The following PFKFB2 variants were observed in gnomAD, a reference collection of about 807,000 sequenced individuals.
The protein encoded by PFKFB2 is 6-phosphofructo-2-kinase/fructose-2,6-biphosphatase 2.
Under a neutral mutation model 68.0 loss-of-function variants are expected in PFKFB2, and 53 were observed. The observed-to-expected ratio is 0.78, with a 90% CI of 0.63 to 0.98. PFKFB2 has a LOEUF of 0.98. PFKFB2 is among the 50% of genes least tolerant of loss of function. PFKFB2 has a pLI of 0.00. For missense variants in PFKFB2, 451 were observed against 642.0 expected, an observed-to-expected ratio of 0.70 and a Z score of 3.22; for synonymous variants, 222 against 227.6, an observed-to-expected ratio of 0.98 and a Z score of 0.22.
rs752753424 is a variant in PFKFB2, at chr1:207,061,221, C to A, written c.86-732C>A. On this transcript the variant is annotated intron_variant, in intron 2 of 14. Transcript: ENST00000367080. ...TATATATTTTAAGAGACAAGGGTCT[C>A]TCTATGTTGCCCAGGCTTATCTTGA... Among the ~76,000 whole-genome samples, 31 of 119,542 alleles carry A rather than the reference C, an allele frequency of 2.6e-4. 1 individual carries two copies. Among genetic ancestry groups the A allele is most frequent in the Non-Finnish European group, 4.7e-4 (27 of 58,006 alleles). The allele number at this position is 119,542 out of a possible 152,430, so 78.4% of individuals were successfully genotyped here.
intron 2 of PFKFB2, among the ~76,000 whole-genome samples, chr1:207,061,163 C>A (rs11585800): frequency 1.6e-3 from 68 of 42,212 alleles, no homozygotes; most frequent in African/African-American, 3.1e-3. Context: ...TTATATATAT[C>A]TTTATATATA....
chr1:207,072,770 C>G lies in PFKFB2; in HGVS notation c.*399C>G, dbSNP rs1275147748. 1 of 1,006,714 alleles carries G rather than the reference C, an allele frequency of 9.9e-7. No homozygotes were observed. Among genetic ancestry groups the G allele is most frequent in the Non-Finnish European group, 1.2e-6 (1 of 844,308 alleles). 62.4% of individuals were successfully genotyped at this position (1,006,714 alleles called of 1,614,324 possible). A position where few individuals can be genotyped will look rare whatever the true frequency, so the allele number is the denominator to read the frequency against. ...TGTTGGGGGATGGAGGGCGGGTGAG[C>G]AGTCGGGGGACAAAAAGTCTATTTT... On this transcript the variant is annotated 3_prime_UTR_variant, in exon 15 of 15. Transcript: ENST00000367080.
Position 207,070,359 on chromosome 1 carries a change from A to G in PFKFB2, c.1172A>G (p.His391Arg), listed in dbSNP as rs1683430791. The change falls in exon 12 of 15, where the codon CAC becomes CGC. Residue 391 changes from histidine (H) to arginine (R), a missense_variant. Transcript: ENST00000367080. This position sits in a 1 kb window ranked among gnomAD's most constrained non-coding sequence, Gnocchi z 4.2. ...CAGGGCAATGTCCTCGTCATCTCCC[A>G]CCAGGCTGTCATGCGCTGCCTCCTG... ...ERQGNVLVIS[H>R]QAVMRCLLAY... 2 of 1,613,784 alleles carry G rather than the reference A, an allele frequency of 1.2e-6. No homozygotes were observed. The highest frequency in any genetic ancestry group is 1.7e-6 in the Non-Finnish European group (2 of 1,179,992).
chr1:207,052,073 T>C, upstream of PFKFB2: 5 of 853,562 alleles, frequency 5.9e-6, no homozygotes, highest in South Asian at 1.5e-5. Flanking sequence ...TTGTTCTTTA[T>C]CCAGCCGGGA....
intron 8 of PFKFB2, among the ~76,000 whole-genome samples, chr1:207,065,515 TA>T (rs1277353610): frequency 1.3e-5 from 2 of 150,496 alleles, no homozygotes; most frequent in East Asian, 3.9e-4. Flanking sequence ...CATGCCCGGC[TA>T]TTTTTTTTTT....
downstream of PFKFB2, chr1:207,080,639 T>C (rs1380045093): frequency 6.6e-6 from 1 of 152,250 alleles, no homozygotes; most frequent in African/African-American, 2.4e-5. Context: ...TAAGGCATTT[T>C]TGAGTTTTCT....
chr1:207,080,120 T>C (rs1393617690), downstream of PFKFB2: 1 of 152,232 alleles, frequency 6.6e-6, no homozygotes, highest in Non-Finnish European at 1.5e-5. Context: ...TCTTCCCCAG[T>C]GATTGTCAAA....
intron 1 of PFKFB2, among the ~76,000 whole-genome samples, chr1:207,040,765 G>C (rs1376078128): frequency 6.6e-6 from 1 of 152,048 alleles, no homozygotes; most frequent in African/African-American, 2.4e-5. Flanking sequence ...TTACCATCCA[G>C]TAAGTATACA....
chr1:207,051,031 C>A, upstream of PFKFB2: 1 of 1,500,700 alleles, frequency 6.7e-7, no homozygotes, highest in Admixed American at 2.3e-5. Context: ...GGCCAAACAT[C>A]GCGAGAAGTT....
chr1:207,062,985 A>T (rs1052106324), intron 4 of PFKFB2, among the ~76,000 whole-genome samples, 158 bp from the exon 5 acceptor site: 2 of 151,922 alleles, frequency 1.3e-5, no homozygotes. Context: ...TGGTGTGAAA[A>T]CCCTCAGTGA....
exon 1 of PFKFB2, chr1:207,034,428 G>A (rs1226114304): frequency 2.0e-5 from 3 of 152,224 alleles, no homozygotes; most frequent in Non-Finnish European, 4.4e-5. Flanking sequence ...TGCAACCAGA[G>A]TCACACCCAT....
chr1:207,035,054 G>T, intron 1 of PFKFB2: 1 of 626,670 alleles, frequency 1.6e-6, no homozygotes, highest in Non-Finnish European at 2.0e-6. Flanking sequence ...AAGACTTCCT[G>T]GTTGATATAG....
In PFKFB2 at chr1:207,076,712, G is replaced by C. The variant is rs562115965; in HGVS notation, c.*4341G>C. The C allele has an allele frequency of 1.2e-6, 1 of 840,260 alleles. No individual in the cohort carries two copies. Among genetic ancestry groups the C allele is most frequent in the African/African-American group, 2.5e-5 (1 of 40,602 alleles). The allele number at this position is 840,260 out of a possible 1,614,324, so 52.1% of individuals were successfully genotyped here. On this transcript the variant is annotated 3_prime_UTR_variant, in exon 15 of 15. Coordinates refer to ENST00000367080, the MANE Select transcript of PFKFB2 (RefSeq NM_006212.2). ...TATATGTTGACCAACTGGTAGACCA[G>C]GAGGATCTGTGTGCTGATTGACTCT... is the stretch of plus-strand genomic sequence containing the variant.
At chr1:207,064,295 C>T (rs932455632) in intron 7 of PFKFB2, among the ~76,000 whole-genome samples, 3 of 151,796 alleles carry the variant, frequency 2.0e-5, no homozygotes, top group African/African-American at 7.3e-5. Context: ...TGTGCCACTG[C>T]AGTCCAGTCT....
At chr1:207,079,120 A>G (rs1169759707), downstream of PFKFB2, 4 of 1,049,924 alleles carry the variant, frequency 3.8e-6, no homozygotes, top group Middle Eastern at 2.2e-4. Flanking sequence ...TTAAGTGGGA[A>G]CTGGACTTTG....
chr1:207,050,943 T>C (rs1434778844), upstream of PFKFB2: 17 of 1,578,254 alleles, frequency 1.1e-5, no homozygotes, highest in African/African-American at 6.8e-5. Flanking sequence ...GGGCCAGCTT[T>C]GGTCCCGGCA....
At position 207,063,696 on chromosome 1, in the gene PFKFB2, G is replaced by C; in HGVS notation, c.451-77G>C. 1 of 1,173,402 alleles carries C rather than the reference G, an allele frequency of 8.5e-7. No individual in the cohort carries two copies. The highest frequency in any genetic ancestry group is 1.7e-5 in the Admixed American group (1 of 59,416). The allele number at this position is 1,173,402 out of a possible 1,614,324, so 72.7% of individuals were successfully genotyped here. A position where few individuals can be genotyped will look rare whatever the true frequency, so the allele number is the denominator to read the frequency against. On this transcript the variant is annotated intron_variant, in intron 6 of 14. Transcript: ENST00000367080. The surrounding 1 kb of genome is among the most constrained non-coding windows in gnomAD (Gnocchi z 4.1). The stretch of plus-strand genomic sequence containing the variant: ...TCCTGGGAGATGTGGTGGCTGGGTG[G>C]GGTAGATGAGCATGTGCTCTTAATT...
intron 2 of PFKFB2, among the ~76,000 whole-genome samples, chr1:207,055,445 G>A (rs1323528530): frequency 6.6e-6 from 1 of 152,082 alleles, no homozygotes; most frequent in Non-Finnish European, 1.5e-5. Context: ...GAGGGTTTGC[G>A]AGGAGATGAA....
chr1:207,049,588 C>T (rs1257167658), upstream of PFKFB2: 1 of 1,614,122 alleles, frequency 6.2e-7, no homozygotes, highest in Non-Finnish European at 8.5e-7. Flanking sequence ...AGTAAAGAGG[C>T]AAGAGTTGTC....
Sources: allele counts gnomAD v4.1 joint callset (sites outside exome capture counted in the v4.1 genomes callset), GRCh38; gene constraint gnomAD v4.1.1; non-coding constraint Gnocchi (gnomAD v3.1); transcripts MANE v1.5; gene names NCBI Gene and HGNC (gene_info 2026-07-23, HGNC 2026-07-21).